ROCK2: variants seen among roughly 807,000 people sequenced by gnomAD.
ROCK2 encodes the protein Rho associated coiled-coil containing protein kinase 2.
A neutral mutation model predicts 195.1 loss-of-function variants in ROCK2; 61 were observed. That is an observed-to-expected ratio of 0.31 (90% confidence interval 0.25 to 0.39). ROCK2 has a LOEUF of 0.39. Among genes scored for constraint, ROCK2 ranks in the 10% least tolerant of loss-of-function variants. The pLI is 1.00. For missense variants in ROCK2, 1,109 were observed against 1,637.4 expected (o/e 0.68, Z 5.57); for synonymous variants, 504 against 545.5 (o/e 0.92, Z 1.06).
intron 20 of ROCK2, 87 bp from the exon 21 acceptor site, chr2:11,202,208 G>A: frequency 9.4e-7 from 1 of 1,060,950 alleles, no homozygotes; most frequent in Non-Finnish European, 1.5e-6. Context: ...GGAAGCCCTG[G>A]GAGTCTCTGA....
intron 7 of ROCK2, among the ~76,000 whole-genome samples, 162 bp downstream of exon 7, chr2:11,224,160 C>T (rs1664733330): frequency 1.3e-5 from 2 of 152,112 alleles, no homozygotes; most frequent in Non-Finnish European, 2.9e-5. Context: ...AACAAGGTAG[C>T]CCAACACCAG....
intron 1 of ROCK2, among the ~76,000 whole-genome samples, chr2:11,322,068 G>A (rs1265498905): frequency 6.6e-6 from 1 of 152,140 alleles, no homozygotes; most frequent in Non-Finnish European, 1.5e-5. Flanking sequence ...TGAGGACACA[G>A]TGAGAAGGTG....
intron 3 of ROCK2, among the ~76,000 whole-genome samples, chr2:11,255,984 A>G (rs1666021479): frequency 1.3e-5 from 2 of 149,780 alleles, no homozygotes; most frequent in South Asian, 2.1e-4. Flanking sequence ...GTGAACTTCA[A>G]CACAAATCAA....
At chr2:11,310,020 AT>A (rs1194163405) in intron 1 of ROCK2, among the ~76,000 whole-genome samples, 2 of 152,148 alleles carry the variant, frequency 1.3e-5, no homozygotes, top group African/African-American at 4.8e-5. Flanking sequence ...CTATGTCAAA[AT>A]TTTTCTTTGA....
At chr2:11,239,365 C>T (rs1158453343) in intron 4 of ROCK2, among the ~76,000 whole-genome samples, 1 of 151,932 alleles carries the variant, frequency 6.6e-6, no homozygotes, top group Non-Finnish European at 1.5e-5. Context: ...AATGACATAC[C>T]ACTTAACACC....
chr2:11,256,723 G>A (rs539549519), intron 3 of ROCK2, among the ~76,000 whole-genome samples: 1 of 151,366 alleles, frequency 6.6e-6, no homozygotes, highest in South Asian at 2.1e-4. Context: ...AAGGCAAAGA[G>A]TATTATAAGA....
At position 11,310,531 on chromosome 2, in the gene ROCK2, C is replaced by A. The variant is rs574892084; in HGVS notation, c.142-22795G>T. Among the ~76,000 whole-genome samples the A allele has an allele frequency of 3.3e-5, 5 of 152,250 alleles. No individual in the cohort carries two copies. In the South Asian group the frequency reaches 1.0e-3, roughly 32 times the overall value. ...AATTCCGAATATGAACAGCAAATAACCAGATTGCAGAACGGTTACCAAATG... is the reference window on the plus strand; with the variant it reads ...AATTCCGAATATGAACAGCAAATAAACAGATTGCAGAACGGTTACCAAATG... On this transcript the variant is annotated intron_variant, in intron 1 of 32. Coordinates refer to ENST00000315872, the MANE Select transcript of ROCK2 (RefSeq NM_004850.5).
At chr2:11,293,955 G>C (rs943693227) in intron 1 of ROCK2, among the ~76,000 whole-genome samples, 1 of 152,082 alleles carries the variant, frequency 6.6e-6, no homozygotes, top group African/African-American at 2.4e-5. Flanking sequence ...TCAGGAGATC[G>C]AGACCATCCT....
intron 3 of ROCK2, among the ~76,000 whole-genome samples, chr2:11,283,519 C>T (rs903023822): frequency 7.0e-6 from 1 of 142,074 alleles, no homozygotes; most frequent in African/African-American, 2.6e-5. Flanking sequence ...CGAGATTGCG[C>T]CACTGCAGTC....
intron 1 of ROCK2, among the ~76,000 whole-genome samples, chr2:11,330,828 GGGAGGAAGA>G: frequency 1.5e-4 from 1 of 6,712 alleles, no homozygotes; most frequent in Non-Finnish European, 6.5e-4. Context: ...GAGGAGGAGG[GGGAGGAAGA>G]GGGAGGAGGA....
chr2:11,235,859 T>G lies in ROCK2; in HGVS notation c.566A>C (p.Lys189Thr). 7 of 1,613,922 alleles carry G rather than the reference T, an allele frequency of 4.3e-6. No individual in the cohort carries two copies. The highest frequency in any genetic ancestry group is 5.9e-6 in the Non-Finnish European group (7 of 1,179,922). ...NLMSNYDVPEKWAKFYTAEVV... is the reference protein window; with the variant it reads ...NLMSNYDVPETWAKFYTAEVV... ...TTCAGCAGTGTAAAATTTGGCCCAT[T>G]TTTCAGGCACATCATAATTACTCAT... The change falls in exon 5 of 33, where the codon AAA (lysine) becomes ACA (threonine). Residue 189 changes from lysine (K) to threonine (T), a missense_variant. Lys to Thr is a moderately conservative substitution (Grantham distance 78). This residue lies in a region of ROCK2 where 253 missense variants were observed against 455.5 expected (regional missense o/e 0.56). Coordinates refer to ENST00000315872, the MANE Select transcript of ROCK2 (RefSeq NM_004850.5). The surrounding 1 kb of genome is among the most constrained non-coding windows in gnomAD (Gnocchi z 4.2).
At chr2:11,219,755 A>G (rs1664563616) in intron 9 of ROCK2, among the ~76,000 whole-genome samples, 1 of 151,792 alleles carries the variant, frequency 6.6e-6, no homozygotes, top group African/African-American at 2.4e-5. Context: ...TTAATGCCTC[A>G]TTCAACTATT....
At chr2:11,318,370 TGAG>T (rs1405397260) in intron 1 of ROCK2, among the ~76,000 whole-genome samples, 5 of 152,358 alleles carry the variant, frequency 3.3e-5, no homozygotes, top group Middle Eastern at 3.4e-3. Flanking sequence ...CCAGTGATGA[TGAG>T]CATTTTTTCA....
chr2:11,306,724 C>T (rs1476785770), intron 1 of ROCK2, among the ~76,000 whole-genome samples: 1 of 152,184 alleles, frequency 6.6e-6, no homozygotes, highest in Non-Finnish European at 1.5e-5. Context: ...ACAAATATGT[C>T]TACAGCATAA....
chr2:11,295,411 T>C (rs917496440), intron 1 of ROCK2, among the ~76,000 whole-genome samples: 32 of 151,476 alleles, frequency 2.1e-4, no homozygotes, highest in African/African-American at 5.8e-4. Context: ...GTATCACAGA[T>C]AGACTTTAGG....
chr2:11,257,561 G>C lies in ROCK2; in HGVS notation c.325-7763C>G, dbSNP rs138105067. 6.8e-3 allele frequency among the ~76,000 whole-genome samples: 1,027 copies of C among 151,510 alleles called. 45 individuals carry two copies. The highest frequency in any genetic ancestry group is 0.059 in the Admixed American group (894 of 15,280). On this transcript the variant is annotated intron_variant, in intron 3 of 32. Transcript: ENST00000315872. Reference sequence around the variant, plus strand: ...TTTCTTCGAGTTGCTGCTGTTCTTTGGAAGAGGTGAGTTTTATGAAGAGCC... The same window carrying C: ...TTTCTTCGAGTTGCTGCTGTTCTTTCGAAGAGGTGAGTTTTATGAAGAGCC...
chr2:11,185,711 A>C (rs1191011319), intron 32 of ROCK2, among the ~76,000 whole-genome samples: 1 of 152,182 alleles, frequency 6.6e-6, no homozygotes, highest in Non-Finnish European at 1.5e-5. Context: ...CCTGGGGAAC[A>C]AGAGTGAGAC....
intron 1 of ROCK2, among the ~76,000 whole-genome samples, chr2:11,293,188 C>T (rs1338336536): frequency 2.0e-5 from 3 of 152,164 alleles, no homozygotes; most frequent in African/African-American, 7.2e-5. Context: ...ACCTGGGTTA[C>T]ATCATCACGG....
intron 3 of ROCK2, among the ~76,000 whole-genome samples, chr2:11,261,981 G>C (rs1666243236): frequency 6.6e-6 from 1 of 152,136 alleles, no homozygotes; most frequent in African/African-American, 2.4e-5. Context: ...TAGATAAAAT[G>C]AGATAATGGC....
Sources: gnomAD v4.1 joint callset for allele counts (sites outside exome capture counted in the v4.1 genomes callset) on GRCh38, gnomAD v4.1.1 for gene constraint, gnomAD v4.1.1 regional missense constraint, Gnocchi (gnomAD v3.1) non-coding constraint, MANE v1.5 for transcripts, NCBI Gene and HGNC (gene_info 2026-07-23, HGNC 2026-07-21) for gene names.